Variants in GSE1 observed in about 807,000 individuals in gnomAD.
GSE1 encodes the protein genetic suppressor element 1.
GSE1 carries 32 observed loss-of-function variants against 112.6 expected under a neutral mutation model. The ratio of observed to expected loss-of-function variants is 0.28; its 90% confidence interval spans 0.21 to 0.38. The LOEUF is 0.38. GSE1 is among the 10% of genes least tolerant of loss of function. GSE1 has a pLI of 1.00. For missense variants in GSE1, 2,348 were observed against 1,699.2 expected, an observed-to-expected ratio of 1.38 and a Z score of -6.71; for synonymous variants, 1,115 against 735.6, an observed-to-expected ratio of 1.52 and a Z score of -8.35.
At chr16:85,334,353 A>C (rs1226389997) in intron 1 of GSE1, among the ~76,000 whole-genome samples, 2 of 152,102 alleles carry the variant, frequency 1.3e-5, no homozygotes, top group African/African-American at 2.4e-5. Context: ...TCTGGAACTG[A>C]GTTTGGACAG....
chr16:85,625,249 C>A (rs535786039), intron 1 of GSE1, among the ~76,000 whole-genome samples: 5 of 152,326 alleles, frequency 3.3e-5, no homozygotes, highest in Non-Finnish European at 5.9e-5. Context: ...ACACAGCAGC[C>A]GCTTAGGATA....
chr16:85,403,799 C>T, intron 2 of GSE1, among the ~76,000 whole-genome samples: 1 of 152,100 alleles, frequency 6.6e-6, no homozygotes, highest in East Asian at 1.9e-4. Flanking sequence ...GAGACCCTGT[C>T]TCAAAACAAC....
chr16:85,351,316 C>G (rs2046846391), intron 1 of GSE1, among the ~76,000 whole-genome samples: 1 of 152,172 alleles, frequency 6.6e-6, no homozygotes, highest in Non-Finnish European at 1.5e-5. Context: ...CTGGAATGTC[C>G]TTTATTGTTC....
intron 2 of GSE1, among the ~76,000 whole-genome samples, chr16:85,498,915 G>A (rs1051030784): frequency 1.4e-4 from 21 of 152,390 alleles, no homozygotes; most frequent in South Asian, 2.1e-4. Context: ...CTGACAGGCC[G>A]TGAGCGGCAT....
chr16:85,598,039 C>T (rs1226706439), intron 1 of GSE1, among the ~76,000 whole-genome samples: 1 of 152,112 alleles, frequency 6.6e-6, no homozygotes, highest in African/African-American at 2.4e-5. Flanking sequence ...GACTGGTGCA[C>T]TGAAGAAGCG....
intron 2 of GSE1, among the ~76,000 whole-genome samples, chr16:85,425,715 C>G (rs1449391349): frequency 6.6e-6 from 1 of 151,466 alleles, no homozygotes; most frequent in Non-Finnish European, 1.5e-5. Flanking sequence ...AGTCTTATCT[C>G]CTGACCACTT....
chr16:85,217,334 G>A (rs1043154704), intron 1 of GSE1, among the ~76,000 whole-genome samples: 18 of 152,244 alleles, frequency 1.2e-4, no homozygotes, highest in African/African-American at 4.3e-4. Flanking sequence ...TCTGTGCTGT[G>A]TTTGGGGTTG....
At chr16:85,264,939 C>T (rs969822974) in intron 1 of GSE1, among the ~76,000 whole-genome samples, 14 of 152,150 alleles carry the variant, frequency 9.2e-5, no homozygotes, top group African/African-American at 3.4e-4. Context: ...TTGGCCTCTC[C>T]GTGCCTCAGT....
At chr16:85,465,014 A>G (rs2050085256) in intron 2 of GSE1, among the ~76,000 whole-genome samples, 1 of 152,218 alleles carries the variant, frequency 6.6e-6, no homozygotes, top group Non-Finnish European at 1.5e-5. Context: ...TTTCAGGGTC[A>G]CACAGCTAGT....
At chr16:85,338,396 A>C (rs2046550772) in intron 1 of GSE1, among the ~76,000 whole-genome samples, 1 of 152,174 alleles carries the variant, frequency 6.6e-6, no homozygotes, top group Non-Finnish European at 1.5e-5. Context: ...TGAGGATGAC[A>C]GCGTATGTGT....
At chr16:85,183,122 C>G (rs1393805787) in intron 1 of GSE1, among the ~76,000 whole-genome samples, 1 of 152,306 alleles carries the variant, frequency 6.6e-6, no homozygotes, top group South Asian at 2.1e-4. Context: ...TGTACCCTCA[C>G]CCCCTCACCG....
intron 2 of GSE1, among the ~76,000 whole-genome samples, chr16:85,424,261 G>T (rs560251767): frequency 1.1e-4 from 17 of 152,378 alleles, no homozygotes; most frequent in African/African-American, 3.8e-4. Context: ...CGCCCCTCCG[G>T]TGCCAGCGTA....
At chr16:85,658,475 A>T (rs1287128400) in intron 8 of GSE1, among the ~76,000 whole-genome samples, 2 of 152,234 alleles carry the variant, frequency 1.3e-5, no homozygotes, top group African/African-American at 4.8e-5. Flanking sequence ...GTCCTGGGAT[A>T]AGAAACCCTT....
chr16:85,614,067 C>T lies in GSE1; in HGVS notation c.7+669C>T, dbSNP rs1478625033. On this transcript the variant is annotated intron_variant, in intron 1 of 15. Transcript: ENST00000253458. ...CTCCTCTCTCTCCCCCCACCCCCGG[C>T]GGAGCGGCTCCCTGCCCCTCCCCTC... Among the ~76,000 whole-genome samples, 58 of 145,748 alleles carry T rather than the reference C, an allele frequency of 4.0e-4. No individual in the cohort carries two copies. In the East Asian group the frequency reaches 0.011, roughly 28 times the overall value.
chr16:85,670,867 G>C (rs1241189318), intron 14 of GSE1, 128 bp from the exon 15 acceptor site: 3 of 646,060 alleles, frequency 4.6e-6, no homozygotes, highest in Non-Finnish European at 8.5e-6. Flanking sequence ...GTCCACAGGA[G>C]AGGCCTTCGC....
intron 1 of GSE1, among the ~76,000 whole-genome samples, chr16:85,338,872 C>T (rs375395082): frequency 1.3e-5 from 2 of 152,192 alleles, no homozygotes; most frequent in East Asian, 1.9e-4. Context: ...CTGCCGGTGG[C>T]GTTACTCTCG....
intron 1 of GSE1, among the ~76,000 whole-genome samples, chr16:85,182,910 C>A (rs923098168): frequency 6.6e-6 from 1 of 152,182 alleles, no homozygotes. Flanking sequence ...CACACACGCA[C>A]CTTGCACCTC....
chr16:85,183,120 C>T (rs1252824333), intron 1 of GSE1, among the ~76,000 whole-genome samples: 2 of 152,232 alleles, frequency 1.3e-5, no homozygotes, highest in Admixed American at 6.5e-5. Flanking sequence ...CCTGTACCCT[C>T]ACCCCCTCAC....
chr16:85,494,793 G>C (rs908201538), intron 2 of GSE1, among the ~76,000 whole-genome samples: 1 of 152,244 alleles, frequency 6.6e-6, no homozygotes, highest in African/African-American at 2.4e-5. Flanking sequence ...GCTAGAAGGG[G>C]CTTTACAGCT....
Sources: allele counts gnomAD v4.1 joint callset (sites outside exome capture counted in the v4.1 genomes callset), GRCh38; gene constraint gnomAD v4.1.1; transcripts MANE v1.5; gene names NCBI Gene and HGNC (gene_info 2026-07-23, HGNC 2026-07-21).